Variants in ARHGAP15 observed in about 807,000 individuals in gnomAD.
The protein encoded by ARHGAP15 is rho GTPase-activating protein 15.
ARHGAP15 carries 51 observed loss-of-function variants against 63.7 expected under a neutral mutation model. The ratio of observed to expected loss-of-function variants is 0.80; its 90% confidence interval spans 0.64 to 1.01. The LOEUF (loss-of-function observed/expected upper bound fraction) is 1.01, where lower values mean the gene tolerates loss of function less well. Among genes scored for constraint, ARHGAP15 ranks in the 50% least tolerant of loss-of-function variants. The pLI, the probability that ARHGAP15 is intolerant of heterozygous loss-of-function variation, is 0.00. For missense variants in ARHGAP15, 560 were observed against 564.6 expected, an observed-to-expected ratio of 0.99 and a Z score of 0.08; for synonymous variants, 191 against 193.8, an observed-to-expected ratio of 0.99 and a Z score of 0.12.
At chr2:143,447,657 C>G (rs986343571) in intron 8 of ARHGAP15, among the ~76,000 whole-genome samples, 9 of 152,184 alleles carry the variant, frequency 5.9e-5, no homozygotes, top group Admixed American at 1.3e-4. Flanking sequence ...CCCCATCACT[C>G]AGAACAGAGT....
At chr2:143,472,019 T>A (rs934010785) in intron 8 of ARHGAP15, 2 of 152,218 alleles carry the variant, frequency 1.3e-5, no homozygotes, top group Non-Finnish European at 2.9e-5. Flanking sequence ...TGACATTCCA[T>A]CTGCAATTAA....
At chr2:143,766,505 C>A (rs914188466) in intron 13 of ARHGAP15, 3 of 152,034 alleles carry the variant, frequency 2.0e-5, no homozygotes, top group African/African-American at 7.2e-5. Context: ...CAAAGAGAAG[C>A]CATAACGTGC....
intron 9 of ARHGAP15, among the ~76,000 whole-genome samples, chr2:143,504,215 A>G (rs1275262033): frequency 1.3e-5 from 2 of 152,194 alleles, no homozygotes; most frequent in African/African-American, 4.8e-5. Flanking sequence ...AGGAGTTTGT[A>G]TTCTACTTTA....
At chr2:143,172,465 G>A (rs1690826943) in intron 2 of ARHGAP15, among the ~76,000 whole-genome samples, 1 of 152,112 alleles carries the variant, frequency 6.6e-6, no homozygotes, top group South Asian at 2.1e-4. Flanking sequence ...GAGAGAAAAT[G>A]GGGACACTAT....
At chr2:143,546,033 G>T (rs1436222449) in intron 10 of ARHGAP15, among the ~76,000 whole-genome samples, 1 of 152,204 alleles carries the variant, frequency 6.6e-6, no homozygotes, top group Non-Finnish European at 1.5e-5. Flanking sequence ...ATGAGTGAGA[G>T]AAATGTTTAA....
chr2:143,533,983 C>T (rs898292442), intron 10 of ARHGAP15, among the ~76,000 whole-genome samples: 4 of 152,150 alleles, frequency 2.6e-5, no homozygotes, highest in Non-Finnish European at 5.9e-5. Flanking sequence ...TTTGTGTATA[C>T]ATCACTGGCT....
chr2:143,312,334 T>C (rs1683486158), intron 6 of ARHGAP15, among the ~76,000 whole-genome samples: 1 of 152,166 alleles, frequency 6.6e-6, no homozygotes, highest in Admixed American at 6.6e-5. Flanking sequence ...CACTGAAGAA[T>C]TAGTCCTCAT....
chr2:143,540,409 G>T lies in ARHGAP15; in HGVS notation c.926-15999G>T, dbSNP rs186359775. Among the ~76,000 whole-genome samples, 950 of 152,272 alleles carry T rather than the reference G, an allele frequency of 6.2e-3. 7 individuals are homozygous for T. The highest frequency in any genetic ancestry group is 0.019 in the South Asian group (94 of 4,822). On this transcript the variant is annotated intron_variant, in intron 10 of 13. Coordinates refer to ENST00000295095, the MANE Select transcript of ARHGAP15 (RefSeq NM_018460.4). ...GGTTAGTATTGTTATGTGTGAATTT[G>T]ATCCTGTCATTATGTTAGCTGGTTA... is the stretch of plus-strand genomic sequence containing the variant.
intron 11 of ARHGAP15, among the ~76,000 whole-genome samples, chr2:143,564,386 T>C (rs958480688): frequency 6.6e-6 from 1 of 152,162 alleles, no homozygotes; most frequent in Admixed American, 6.6e-5. Context: ...AGAACCTGAC[T>C]GCCATAAGAA....
intron 9 of ARHGAP15, among the ~76,000 whole-genome samples, chr2:143,490,146 C>T (rs1692521838): frequency 6.6e-6 from 1 of 152,038 alleles, no homozygotes; most frequent in South Asian, 2.1e-4. Context: ...ACTACAGGTG[C>T]CCGCCACCAC....
intron 5 of ARHGAP15, among the ~76,000 whole-genome samples, chr2:143,240,009 A>C (rs1329089045): frequency 3.4e-5 from 5 of 147,188 alleles, no homozygotes; most frequent in Non-Finnish European, 7.5e-5. Context: ...AAAAAAAAAA[A>C]AAAAAAAAAA....
rs983939316 is a variant in ARHGAP15, at chr2:143,591,928, A to T, written c.1004-32205A>T. ...AGCCACTGCACCTGGCTGGGATAAG[A>T]TTTTTATAACTCTATTTTGAGAAGG... is the stretch of plus-strand genomic sequence containing the variant. On this transcript the variant is annotated intron_variant, in intron 11 of 13. Transcript: ENST00000295095. 7.7e-5 allele frequency among the ~76,000 whole-genome samples: 4 copies of T among 52,230 alleles called. No homozygotes were observed. The East Asian group carries it at 2.1e-3, about 27-fold the overall frequency. 34.3% of individuals were successfully genotyped at this position (52,230 alleles called of 152,430 possible).
chr2:143,639,596 G>T lies in ARHGAP15; in HGVS notation c.1138+15329G>T, dbSNP rs139062876. Reference sequence around the variant, plus strand: ...AGCTCCCATATTCCAAATGCTTAAAGGTAGAAAGAAGGCACTATGTCCTTA... The same window carrying T: ...AGCTCCCATATTCCAAATGCTTAAATGTAGAAAGAAGGCACTATGTCCTTA... On this transcript the variant is annotated intron_variant, in intron 12 of 13. Coordinates refer to ENST00000295095, the MANE Select transcript of ARHGAP15 (RefSeq NM_018460.4). Among the ~76,000 whole-genome samples the T allele has an allele frequency of 3.9e-5, 6 of 152,210 alleles. No homozygotes were observed. The East Asian group carries it at 9.7e-4, about 25-fold the overall frequency.
intron 6 of ARHGAP15, among the ~76,000 whole-genome samples, chr2:143,359,429 C>CT (rs1054317345): frequency 8.5e-5 from 13 of 152,110 alleles, no homozygotes; most frequent in African/African-American, 3.1e-4. Context: ...TCTATTGCCT[C>CT]TTTTTTTGAA....
At chr2:143,206,817 A>T (rs1021391624) in intron 3 of ARHGAP15, among the ~76,000 whole-genome samples, 1 of 152,108 alleles carries the variant, frequency 6.6e-6, no homozygotes, top group African/African-American at 2.4e-5. Context: ...AATTATGAAG[A>T]GCTGGATTAT....
intron 11 of ARHGAP15, among the ~76,000 whole-genome samples, chr2:143,590,727 G>T (rs772197428): frequency 1.1e-4 from 17 of 152,004 alleles, no homozygotes; most frequent in Non-Finnish European, 2.4e-4. Flanking sequence ...TGAAGGCAGG[G>T]TGTGTCTTTT....
intron 10 of ARHGAP15, among the ~76,000 whole-genome samples, chr2:143,520,387 C>G (rs544960340): frequency 6.6e-6 from 1 of 152,120 alleles, no homozygotes; most frequent in African/African-American, 2.4e-5. Context: ...ACTGTAAGGA[C>G]AGCCTTGGGA....
intron 6 of ARHGAP15, among the ~76,000 whole-genome samples, chr2:143,305,868 A>G (rs1683144874): frequency 6.6e-6 from 1 of 152,128 alleles, no homozygotes; most frequent in South Asian, 2.1e-4. Flanking sequence ...AATTTAAAAT[A>G]TATAAATAAA....
At chr2:143,734,982 CTTTT>C (rs1287469554) in intron 13 of ARHGAP15, among the ~76,000 whole-genome samples, 3 of 152,136 alleles carry the variant, frequency 2.0e-5, no homozygotes, top group Admixed American at 6.5e-5. Context: ...TAATCAAGAC[CTTTT>C]ATTTAGCAGA....
Sources: gnomAD v4.1 joint callset for allele counts (sites outside exome capture counted in the v4.1 genomes callset) on GRCh38, gnomAD v4.1.1 for gene constraint, MANE v1.5 for transcripts, NCBI Gene and HGNC (gene_info 2026-07-23, HGNC 2026-07-21) for gene names.